KCNH7: variants seen among roughly 807,000 people sequenced by gnomAD.
KCNH7 encodes potassium voltage-gated channel subfamily H member 7.
In KCNH7, 49 loss-of-function variants were observed where a neutral mutation model predicts 120.8. The observed-to-expected ratio is 0.41, with a 90% CI of 0.32 to 0.51. The LOEUF (loss-of-function observed/expected upper bound fraction) is 0.51. Ranked by LOEUF, KCNH7 falls within the 20% of genes least tolerant of loss-of-function variation. The pLI, the probability that KCNH7 is intolerant of heterozygous loss-of-function variation, is 0.38. For synonymous variants in KCNH7, 547 were observed against 516.1 expected, an observed-to-expected ratio of 1.06 and a Z score of -0.81; for missense variants, 1,097 against 1,446.6, an observed-to-expected ratio of 0.76 and a Z score of 3.92.
chr2:162,605,557 A>C (rs1682721478), intron 2 of KCNH7, among the ~76,000 whole-genome samples: 1 of 152,132 alleles, frequency 6.6e-6, no homozygotes, highest in African/African-American at 2.4e-5. Context: ...GGAAAGGAAT[A>C]CTGAATGCAT....
chr2:162,703,207 C>A (rs1460662481), intron 2 of KCNH7, among the ~76,000 whole-genome samples: 1 of 151,508 alleles, frequency 6.6e-6, no homozygotes, highest in Non-Finnish European at 1.5e-5. Flanking sequence ...AATTAGATGC[C>A]CCAAAAAACC....
chr2:162,614,371 C>T (rs934015656), intron 2 of KCNH7, among the ~76,000 whole-genome samples: 1 of 151,894 alleles, frequency 6.6e-6, no homozygotes, highest in African/African-American at 2.4e-5. Flanking sequence ...AGTAGCATTG[C>T]TGTATGGAAA....
At chr2:162,534,913 A>G (rs932073921) in intron 3 of KCNH7, among the ~76,000 whole-genome samples, 2 of 151,746 alleles carry the variant, frequency 1.3e-5, no homozygotes, top group African/African-American at 4.8e-5. Flanking sequence ...TATCATGTCC[A>G]AATGTGTCTT....
At chr2:162,817,252 G>T (rs10930069) in intron 2 of KCNH7, among the ~76,000 whole-genome samples, 1 of 151,896 alleles carries the variant, frequency 6.6e-6, no homozygotes, top group Admixed American at 6.6e-5. Context: ...GGCAACTACT[G>T]TTTTGATTTA....
At chr2:162,523,426 T>G (rs1045167866) in intron 3 of KCNH7, among the ~76,000 whole-genome samples, 2 of 151,912 alleles carry the variant, frequency 1.3e-5, no homozygotes, top group Non-Finnish European at 2.9e-5. Context: ...ATTACAATGA[T>G]AACAACTACA....
At chr2:162,453,348 T>C (rs1343205030) in intron 6 of KCNH7, among the ~76,000 whole-genome samples, 1 of 152,234 alleles carries the variant, frequency 6.6e-6, no homozygotes, top group Non-Finnish European at 1.5e-5. Context: ...TACATTGTCT[T>C]TATCCAGTCT....
intron 6 of KCNH7, among the ~76,000 whole-genome samples, chr2:162,458,269 T>C (rs1269484193): frequency 6.6e-6 from 1 of 152,116 alleles, no homozygotes; most frequent in Non-Finnish European, 1.5e-5. Flanking sequence ...TGTATGAGTC[T>C]CAGAATGTAA....
chr2:162,519,896 A>G (rs191558889), intron 3 of KCNH7, among the ~76,000 whole-genome samples: 188 of 151,912 alleles, frequency 1.2e-3, no homozygotes, highest in Non-Finnish European at 2.2e-3. Flanking sequence ...CTTCTAAAAC[A>G]TGGAAGAACA....
At chr2:162,791,993 AG>A (rs1683963836) in intron 2 of KCNH7, among the ~76,000 whole-genome samples, 1 of 151,950 alleles carries the variant, frequency 6.6e-6, no homozygotes, top group African/African-American at 2.4e-5. Flanking sequence ...TTTAACATGA[AG>A]GGGTGCTGAA....
At chr2:162,558,099 A>T (rs1468910830) in intron 2 of KCNH7, among the ~76,000 whole-genome samples, 1 of 152,210 alleles carries the variant, frequency 6.6e-6, no homozygotes, top group Non-Finnish European at 1.5e-5. Context: ...CTAAGGAATA[A>T]GTCAGTTATG....
At position 162,383,622 on chromosome 2, in the gene KCNH7, A is replaced by G. The variant is rs537274898; in HGVS notation, c.2962+1066T>C. ...TTTACTTACTCTGTACTAATGTACT[A>G]ATTTTGCTATCCTACCAGGCCTAGA... On this transcript the variant is annotated intron_variant, in intron 13 of 15. Transcript: ENST00000332142. Among the ~76,000 whole-genome samples the G allele has an allele frequency of 2.6e-5, 4 of 152,058 alleles. No individual in the cohort carries two copies. The South Asian group carries it at 8.3e-4, about 32-fold the overall frequency.
At chr2:162,757,086 T>C (rs1450475849) in intron 2 of KCNH7, among the ~76,000 whole-genome samples, 3 of 152,168 alleles carry the variant, frequency 2.0e-5, no homozygotes. Context: ...GGTTTAAAAA[T>C]ATTTTTTCTA....
rs60854157 is a variant in KCNH7, at chr2:162,429,383, C to CTTTTTTTTTTTTTTTTTTTTTTTTTTT, written c.1954+5814_1954+5815insAAAAAAAAAAAAAAAAAAAAAAAAAAA. Among the ~76,000 whole-genome samples the CTTTTTTTTTTTTTTTTTTTTTTTTTTT allele has an allele frequency of 6.1e-4, 53 of 86,224 alleles. 3 individuals carry two copies. Among genetic ancestry groups the CTTTTTTTTTTTTTTTTTTTTTTTTTTT allele is most frequent in the East Asian group, 3.4e-3 (10 of 2,942 alleles). The allele number at this position is 86,224 out of a possible 152,430, so 56.6% of individuals were successfully genotyped here. On this transcript the variant is annotated intron_variant, in intron 8 of 15. Transcript: ENST00000332142. ...AGACATTTAGAAATGAGGAAAAAGT[C>CTTTTTTTTTTTTTTTTTTTTTTTTTTT]TTTTTTTTTTTTTTTTTTTTTTACT...
At chr2:162,691,932 G>C (rs1276461790) in intron 2 of KCNH7, among the ~76,000 whole-genome samples, 1 of 152,116 alleles carries the variant, frequency 6.6e-6, no homozygotes, top group African/African-American at 2.4e-5. Flanking sequence ...TTAAGATTTG[G>C]TAATTGTCTC....
chr2:162,736,412 C>T (rs1044399345), intron 2 of KCNH7, among the ~76,000 whole-genome samples: 15 of 152,136 alleles, frequency 9.9e-5, no homozygotes, highest in African/African-American at 3.6e-4. Flanking sequence ...CTTTGTGATT[C>T]CCATCAGATA....
chr2:162,523,920 A>C (rs1348715162), intron 3 of KCNH7, among the ~76,000 whole-genome samples: 1 of 151,932 alleles, frequency 6.6e-6, no homozygotes, highest in Non-Finnish European at 1.5e-5. Context: ...TGAATTATGG[A>C]CTGAAAAGTA....
At chr2:162,391,575 C>T (rs1016194093) in intron 12 of KCNH7, among the ~76,000 whole-genome samples, 2 of 152,106 alleles carry the variant, frequency 1.3e-5, no homozygotes. Flanking sequence ...ACACTTTATA[C>T]GAATTTGATC....
At chr2:162,439,190 G>T (rs1433944181) in intron 7 of KCNH7, among the ~76,000 whole-genome samples, 1 of 151,652 alleles carries the variant, frequency 6.6e-6, no homozygotes, top group Admixed American at 6.6e-5. Context: ...CCATAAATTT[G>T]TTCACAATTT....
At chr2:162,515,129 A>G (rs571598698) in intron 4 of KCNH7, among the ~76,000 whole-genome samples, 1 of 151,852 alleles carries the variant, frequency 6.6e-6, no homozygotes, top group Admixed American at 6.6e-5. Context: ...TTTAAAGATG[A>G]AGTAGAAAAT....
Sources: allele counts gnomAD v4.1 joint callset (sites outside exome capture counted in the v4.1 genomes callset), GRCh38; gene constraint gnomAD v4.1.1; transcripts MANE v1.5; gene names NCBI Gene and HGNC (gene_info 2026-07-23, HGNC 2026-07-21).